The following PLEKHG1 variants were observed in gnomAD, a reference collection of about 807,000 sequenced individuals.
The protein encoded by PLEKHG1 is pleckstrin homology domain-containing family G member 1.
In PLEKHG1, 44 loss-of-function variants were observed where a neutral mutation model predicts 100.8. The observed-to-expected ratio is 0.44, with a 90% CI of 0.34 to 0.56. The LOEUF (loss-of-function observed/expected upper bound fraction) is 0.56, where lower values mean the gene tolerates loss of function less well. Among genes scored for constraint, PLEKHG1 ranks in the 20% least tolerant of loss-of-function variants. PLEKHG1 has a pLI of 0.01. For missense variants in PLEKHG1, 1,545 were observed against 1,720.9 expected, an observed-to-expected ratio of 0.90 and a Z score of 1.81; for synonymous variants, 640 against 662.5, an observed-to-expected ratio of 0.97 and a Z score of 0.52.
intron 7 of PLEKHG1, among the ~76,000 whole-genome samples, chr6:150,804,952 T>TG (rs34761964): frequency 3.1e-4 from 46 of 148,752 alleles, no homozygotes; most frequent in Middle Eastern, 3.4e-3. Context: ...TTTTTTTTTT[T>TG]GAGATGGAGT....
chr6:150,752,078 C>T (rs988005011), intron 2 of PLEKHG1, among the ~76,000 whole-genome samples: 23 of 151,940 alleles, frequency 1.5e-4, no homozygotes, highest in Admixed American at 3.9e-4. Context: ...CCCAGCTGCT[C>T]GGGAGGCTGA....
chr6:150,701,782 ACTTAC>A (rs1418833666), intron 3 of PLEKHG1, among the ~76,000 whole-genome samples: 1 of 152,004 alleles, frequency 6.6e-6, no homozygotes, highest in Admixed American at 6.6e-5. Flanking sequence ...ATTAGTTTCA[ACTTAC>A]CTGTATTTGG....
chr6:150,822,533 A>G (rs1277853306), intron 13 of PLEKHG1, among the ~76,000 whole-genome samples: 2 of 152,260 alleles, frequency 1.3e-5, no homozygotes, highest in Non-Finnish European at 2.9e-5. Flanking sequence ...ATGCCCATGC[A>G]GTTGGAAATA....
At chr6:150,763,369 G>T (rs1039908351) in intron 2 of PLEKHG1, among the ~76,000 whole-genome samples, 1 of 152,082 alleles carries the variant, frequency 6.6e-6, no homozygotes, top group African/African-American at 2.4e-5. Flanking sequence ...TTCTGTAAGG[G>T]CACTCTTTGT....
At chr6:150,716,055 C>T (rs1316588030) in intron 3 of PLEKHG1, among the ~76,000 whole-genome samples, 3 of 148,872 alleles carry the variant, frequency 2.0e-5, no homozygotes, top group Non-Finnish European at 4.5e-5. Flanking sequence ...TTGCAGTGAG[C>T]CGAGATCGCG....
chr6:150,607,255 G>C (rs981057621), intron 1 of PLEKHG1, among the ~76,000 whole-genome samples: 2 of 152,106 alleles, frequency 1.3e-5, no homozygotes, highest in African/African-American at 2.4e-5. Context: ...AGCAGAGGGA[G>C]AATGGGGAAG....
intron 10 of PLEKHG1, among the ~76,000 whole-genome samples, chr6:150,815,597 A>G (rs1787821747): frequency 6.6e-6 from 1 of 152,246 alleles, no homozygotes; most frequent in African/African-American, 2.4e-5. Context: ...CATAATCTCA[A>G]ACTCTGAATG....
At chr6:150,720,841 T>C (rs538190345), upstream of PLEKHG1, among the ~76,000 whole-genome samples, 5 of 152,292 alleles carry the variant, frequency 3.3e-5, no homozygotes, top group African/African-American at 1.2e-4. Flanking sequence ...GTGGGTTGTA[T>C]TTGATGTTCA....
At chr6:150,692,525 G>A (rs1322763751) in intron 3 of PLEKHG1, among the ~76,000 whole-genome samples, 2 of 152,128 alleles carry the variant, frequency 1.3e-5, no homozygotes, top group African/African-American at 4.8e-5. Context: ...TTTTTCCTAA[G>A]GCTTGTCCTT....
chr6:150,642,049 G>A (rs1431030578), intron 2 of PLEKHG1, among the ~76,000 whole-genome samples: 1 of 150,850 alleles, frequency 6.6e-6, no homozygotes, highest in East Asian at 1.9e-4. Context: ...TTAAATAAAT[G>A]GGTGAATACA....
At chr6:150,699,911 C>T (rs1780696960) in intron 3 of PLEKHG1, among the ~76,000 whole-genome samples, 1 of 151,824 alleles carries the variant, frequency 6.6e-6, no homozygotes, top group South Asian at 2.1e-4. Flanking sequence ...TTATCCATGG[C>T]CCCTGCTATT....
At chr6:150,791,300 A>G (rs1427985325) in intron 4 of PLEKHG1, among the ~76,000 whole-genome samples, 2 of 152,178 alleles carry the variant, frequency 1.3e-5, no homozygotes, top group Admixed American at 6.5e-5. Context: ...GAAAACCTGT[A>G]AGATTAAAAA....
At chr6:150,640,618 C>T (rs142880179) in intron 2 of PLEKHG1, among the ~76,000 whole-genome samples, 95 of 152,274 alleles carry the variant, frequency 6.2e-4, no homozygotes, top group Admixed American at 1.6e-3. Context: ...CCACACCACG[C>T]TAGCTCTTTC....
At chr6:150,644,470 G>C (rs201531) in intron 2 of PLEKHG1, among the ~76,000 whole-genome samples, 11,592 of 151,382 alleles carry the variant, frequency 0.077, 548 homozygotes, top group Non-Finnish European at 0.11. Flanking sequence ...GAGTATCTGG[G>C]ATTACAGGCT....
intron 3 of PLEKHG1, among the ~76,000 whole-genome samples, chr6:150,713,174 CT>C (rs1781298337): frequency 6.6e-6 from 1 of 152,230 alleles, no homozygotes; most frequent in African/African-American, 2.4e-5. Context: ...CAGGATGTTG[CT>C]CTGTGCCTCG....
intron 2 of PLEKHG1, among the ~76,000 whole-genome samples, chr6:150,760,006 AAAAAG>A (rs1189527959): frequency 6.6e-6 from 1 of 152,194 alleles, no homozygotes; most frequent in Non-Finnish European, 1.5e-5. Context: ...AAAATAAAGA[AAAAAG>A]AGAAACCAAT....
chr6:150,795,885 T>C (rs755808482), exon 5 of PLEKHG1: 10 of 1,604,658 alleles, frequency 6.2e-6, no homozygotes, highest in Non-Finnish European at 8.5e-6. Context: ...ATACCCAGTA[T>C]TGCACTAACT....
At chr6:150,677,721 G>A (rs1779807509) in intron 3 of PLEKHG1, among the ~76,000 whole-genome samples, 1 of 148,778 alleles carries the variant, frequency 6.7e-6, no homozygotes, top group Admixed American at 6.7e-5. Flanking sequence ...GAAAAAGAAA[G>A]TTTAAATTAG....
chr6:150,793,219 T>A (rs1252502320), intron 4 of PLEKHG1, among the ~76,000 whole-genome samples: 2 of 151,954 alleles, frequency 1.3e-5, no homozygotes, highest in East Asian at 3.9e-4. Context: ...GACTGGGCAA[T>A]ATAGCAAGAC....
Sources: gnomAD v4.1 joint callset for allele counts (sites outside exome capture counted in the v4.1 genomes callset) on GRCh38, gnomAD v4.1.1 for gene constraint, MANE v1.5 for transcripts, NCBI Gene and HGNC (gene_info 2026-07-23, HGNC 2026-07-21) for gene names.